TRPM3: variants seen among roughly 807,000 people sequenced by gnomAD.
TRPM3 encodes the protein long transient receptor potential channel 3.
TRPM3 carries 77 observed loss-of-function variants against 181.2 expected under a neutral mutation model. That is an observed-to-expected ratio of 0.42 (90% confidence interval 0.35 to 0.51). The LOEUF (loss-of-function observed/expected upper bound fraction) is 0.51, where lower values mean the gene tolerates loss of function less well. Among genes scored for constraint, TRPM3 ranks in the 20% least tolerant of loss-of-function variants. The pLI is 0.01. For synonymous variants in TRPM3, 745 were observed against 796.4 expected (o/e 0.94, Z 1.09); for missense variants, 1,759 against 2,196.7 (o/e 0.80, Z 3.98).
chr9:71,125,738 T>G (rs1003220252), upstream of TRPM3, among the ~76,000 whole-genome samples: 2 of 152,186 alleles, frequency 1.3e-5, no homozygotes, highest in African/African-American at 2.4e-5. Flanking sequence ...GATTAAATAC[T>G]TAAATGTAAA....
At position 71,016,885 on chromosome 9, in the gene TRPM3, T is replaced by C. The variant is rs117022061; in HGVS notation, c.177+104293A>G. Among the ~76,000 whole-genome samples, 758 of 152,318 alleles carry C rather than the reference T, an allele frequency of 5.0e-3. 19 individuals carry two copies. The East Asian group carries it at 0.078, about 16-fold the overall frequency. On this transcript the variant is annotated intron_variant, in intron 1 of 25. Transcript: ENST00000677713. Reference sequence around the variant, plus strand: ...CAGTGTACAAGTGTTCCAATTTATCTACATATTCACCAACACTTGTTATTT... The same window carrying C: ...CAGTGTACAAGTGTTCCAATTTATCCACATATTCACCAACACTTGTTATTT...
At position 70,784,151 on chromosome 9, in the gene TRPM3, C is replaced by T. The variant is rs2083075036; in HGVS notation, c.1102G>A (p.Ala368Thr). 2 of 1,613,618 alleles carry T rather than the reference C, an allele frequency of 1.2e-6. No individual in the cohort carries two copies. The highest frequency in any genetic ancestry group is 1.7e-6 in the Non-Finnish European group (2 of 1,179,804). Reference sequence around the variant, plus strand: ...TGCCCAAAGGCCAGGATGTCCGATGCCCGTCCACTCCCATCACAGACAACC... The same window carrying T: ...TGCCCAAAGGCCAGGATGTCCGATGTCCGTCCACTCCCATCACAGACAACC... The part of the protein sequence containing the change: ...PVVVCDGSGR[A>T]SDILAFGHKY... The change falls in exon 7 of 26, where the codon GCA becomes ACA. Residue 368 changes from alanine (A) to threonine (T), a missense_variant. This residue lies in a region of TRPM3 where 737 missense variants were observed against 957.4 expected (regional missense o/e 0.77). Coordinates refer to ENST00000677713, the MANE Select transcript of TRPM3 (RefSeq NM_001366145.2).
intron 1 of TRPM3, among the ~76,000 whole-genome samples, chr9:71,026,945 G>A (rs2056615425): frequency 6.6e-6 from 1 of 151,968 alleles, no homozygotes. Context: ...ACAGCACCCT[G>A]CTGCTGCTGC....
intron 1 of TRPM3, among the ~76,000 whole-genome samples, chr9:71,316,001 AC>A (rs1458056612): frequency 6.6e-6 from 1 of 152,134 alleles, no homozygotes; most frequent in Non-Finnish European, 1.5e-5. Context: ...CTGTCTATTA[AC>A]CTAGTTTTAT....
intron 1 of TRPM3, among the ~76,000 whole-genome samples, chr9:71,107,925 A>G (rs763441556): frequency 6.6e-6 from 1 of 152,118 alleles, no homozygotes; most frequent in Non-Finnish European, 1.5e-5. Context: ...TAAATTTGGG[A>G]TGTTGCAATT....
chr9:71,201,735 G>T (rs552128318), intron 1 of TRPM3, among the ~76,000 whole-genome samples: 1 of 151,352 alleles, frequency 6.6e-6, no homozygotes, highest in South Asian at 2.1e-4. Flanking sequence ...CAGCTCCTTT[G>T]CCTTTGGTTT....
At position 70,843,142 on chromosome 9, in the gene TRPM3, G is replaced by A. The variant is rs1175827831; in HGVS notation, c.677-15C>T. Reference sequence around the variant, plus strand: ...ACGAATAACACCTAAAAAAAAAAGAGAAGCATTGATTTTTTCTTTTAAAGC... The same window carrying A: ...ACGAATAACACCTAAAAAAAAAAGAAAAGCATTGATTTTTTCTTTTAAAGC... On this transcript the variant is annotated splice_polypyrimidine_tract_variant and intron_variant, in intron 4 of 25. Coordinates refer to ENST00000677713, the MANE Select transcript of TRPM3 (RefSeq NM_001366145.2). The A allele has an allele frequency of 6.3e-7, 1 of 1,589,120 alleles. No homozygotes were observed. The highest frequency in any genetic ancestry group is 1.2e-5 in the South Asian group (1 of 85,526).
At chr9:71,283,022 T>A (rs943613029) in intron 1 of TRPM3, among the ~76,000 whole-genome samples, 4 of 152,170 alleles carry the variant, frequency 2.6e-5, no homozygotes, top group African/African-American at 9.7e-5. Context: ...TTTCTTGGAC[T>A]CCTATCAAAT....
chr9:71,217,219 G>A (rs2079943778), intron 1 of TRPM3, among the ~76,000 whole-genome samples: 1 of 151,310 alleles, frequency 6.6e-6, no homozygotes, highest in Non-Finnish European at 1.5e-5. Flanking sequence ...CAAAGTGCTG[G>A]GATTACAGGC....
chr9:70,595,338 T>G (rs1027893920), intron 21 of TRPM3, among the ~76,000 whole-genome samples: 1 of 152,166 alleles, frequency 6.6e-6, no homozygotes, highest in African/African-American at 2.4e-5. Context: ...ATGCAGTAAT[T>G]CTCAACAGAG....
At chr9:70,875,413 A>C (rs2095853825) in intron 1 of TRPM3, among the ~76,000 whole-genome samples, 1 of 152,002 alleles carries the variant, frequency 6.6e-6, no homozygotes, top group Non-Finnish European at 1.5e-5. Flanking sequence ...AAAATGTAGC[A>C]GAGCACACAG....
At chr9:71,404,978 C>T (rs906129240) in intron 1 of TRPM3, among the ~76,000 whole-genome samples, 2 of 152,142 alleles carry the variant, frequency 1.3e-5, no homozygotes, top group African/African-American at 4.8e-5. Context: ...GTCCATGACC[C>T]CTTCGGCTCC....
At chr9:70,910,768 G>A (rs185738995) in intron 1 of TRPM3, among the ~76,000 whole-genome samples, 302 of 152,214 alleles carry the variant, frequency 2.0e-3, no homozygotes, top group Middle Eastern at 6.8e-3. Flanking sequence ...ATCAGTTTGC[G>A]TATAGTTACT....
intron 22 of TRPM3, among the ~76,000 whole-genome samples, chr9:70,561,947 C>A (rs145132429): frequency 6.6e-6 from 1 of 152,270 alleles, no homozygotes; most frequent in African/African-American, 2.4e-5. Context: ...TTAACACTTC[C>A]TTAATGTTTG....
chr9:71,057,446 C>A (rs1307844108), intron 1 of TRPM3, among the ~76,000 whole-genome samples: 1 of 152,038 alleles, frequency 6.6e-6, no homozygotes, highest in Non-Finnish European at 1.5e-5. Context: ...AAATCGTTTT[C>A]TGTTTTTATT....
At chr9:71,325,504 G>A (rs186221728) in intron 1 of TRPM3, among the ~76,000 whole-genome samples, 5 of 152,092 alleles carry the variant, frequency 3.3e-5, no homozygotes. Context: ...GTCAACTCTA[G>A]AGTTACAGAG....
intron 1 of TRPM3, among the ~76,000 whole-genome samples, chr9:71,255,943 C>T (rs1189847531): frequency 6.6e-6 from 1 of 152,042 alleles, no homozygotes; most frequent in Non-Finnish European, 1.5e-5. Flanking sequence ...TACAGCCAAC[C>T]AAGAGTGGGT....
chr9:70,869,672 G>A (rs972407014), intron 1 of TRPM3, among the ~76,000 whole-genome samples: 3 of 151,972 alleles, frequency 2.0e-5, no homozygotes, highest in African/African-American at 7.2e-5. Flanking sequence ...AAACTTCTCC[G>A]ATCATACTTC....
intron 1 of TRPM3, among the ~76,000 whole-genome samples, chr9:71,172,767 T>TA (rs1243057630): frequency 6.6e-6 from 1 of 152,144 alleles, no homozygotes; most frequent in Non-Finnish European, 1.5e-5. Flanking sequence ...CCAAACAGAA[T>TA]ATCTAAACAG....
Sources: allele counts gnomAD v4.1 joint callset (sites outside exome capture counted in the v4.1 genomes callset), GRCh38; gene constraint gnomAD v4.1.1; regional missense constraint gnomAD v4.1.1; transcripts MANE v1.5; gene names NCBI Gene and HGNC (gene_info 2026-07-23, HGNC 2026-07-21).